Variants in ARFIP1 observed in about 807,000 individuals in gnomAD.
The protein encoded by ARFIP1 is ARF interacting protein 1, also known as arfaptin-1.
Under a neutral mutation model 42.5 loss-of-function variants are expected in ARFIP1, and 24 were observed. The ratio of observed to expected loss-of-function variants is 0.57; its 90% CI spans 0.41 to 0.80. The LOEUF is 0.80. Among genes scored for constraint, ARFIP1 ranks in the 30% least tolerant of loss-of-function variants. ARFIP1 has a pLI of 0.00. For synonymous variants in ARFIP1, 141 were observed against 153.7 expected (o/e 0.92, Z 0.61); for missense variants, 354 against 434.0 (o/e 0.82, Z 1.64).
intron 1 of ARFIP1, among the ~76,000 whole-genome samples, chr4:152,795,819 A>ATTTTTTTTTTTTT (rs1255846759): frequency 6.0e-5 from 1 of 16,774 alleles, no homozygotes; most frequent in Non-Finnish European, 1.2e-4. Context: ...GGGCCCTTGT[A>ATTTTTTTTTTTTT]ATTTTTTTTT....
Position 152,863,620 on chromosome 4 carries a change from A to G in ARFIP1, c.108A>G (p.Ser36=), listed in dbSNP as rs763860418. ...ATCTTGCTAAGGATTTGAAGCATTCATTACCATCTGGACTTGGTCTCTCAG... is the reference window on the plus strand; with the variant it reads ...ATCTTGCTAAGGATTTGAAGCATTCGTTACCATCTGGACTTGGTCTCTCAG... The part of the protein sequence containing the change: ...EHSFNRDLKH[S]LPSGLGLSET... Residue 36 remains serine, a synonymous_variant, in exon 3 of 9, where the codon TCA becomes TCG. Coordinates refer to ENST00000353617, the MANE Select transcript of ARFIP1 (RefSeq NM_001025595.3). 13 of 1,597,726 alleles carry G rather than the reference A, an allele frequency of 8.1e-6. No individual in the cohort carries two copies. In the African/African-American group the frequency reaches 9.4e-5, roughly 12 times the overall value.
At chr4:152,791,853 A>T (rs1024920100) in intron 1 of ARFIP1, among the ~76,000 whole-genome samples, 1 of 152,176 alleles carries the variant, frequency 6.6e-6, no homozygotes, top group African/African-American at 2.4e-5. Flanking sequence ...TCTGTATCTG[A>T]TGTTTAAAAA....
chr4:152,872,629 A>AAGTCATTATGTTC, intron 5 of ARFIP1, 65 bp downstream of exon 5: 1 of 857,428 alleles, frequency 1.2e-6, no homozygotes, highest in Non-Finnish European at 1.8e-6. Context: ...ATGTTTATTC[A>AAGTCATTATGTTC]AGTCATTATG....
chr4:152,846,510 T>C (rs1387606461), intron 2 of ARFIP1, among the ~76,000 whole-genome samples: 4 of 152,208 alleles, frequency 2.6e-5, no homozygotes, highest in Non-Finnish European at 4.4e-5. Context: ...TTTGACTATT[T>C]TGAATAAATT....
At chr4:152,875,461 T>A (rs1315197827) in intron 5 of ARFIP1, among the ~76,000 whole-genome samples, 1 of 151,584 alleles carries the variant, frequency 6.6e-6, no homozygotes, top group Non-Finnish European at 1.5e-5. Context: ...ACTTTTTTCT[T>A]AATGTTTAAG....
At chr4:152,877,732 G>C (rs1221029370) in intron 5 of ARFIP1, among the ~76,000 whole-genome samples, 1 of 152,170 alleles carries the variant, frequency 6.6e-6, no homozygotes, top group Non-Finnish European at 1.5e-5. Context: ...GAGGGACCCA[G>C]GGAGAGGTAA....
intron 8 of ARFIP1, among the ~76,000 whole-genome samples, chr4:152,909,151 GA>G (rs1417272833): frequency 1.3e-5 from 2 of 152,156 alleles, no homozygotes; most frequent in Non-Finnish European, 2.9e-5. Context: ...TTGGGAGGCT[GA>G]GGCAGGCAGA....
intron 2 of ARFIP1, among the ~76,000 whole-genome samples, chr4:152,863,368 A>G (rs1189332758): frequency 6.6e-6 from 1 of 152,244 alleles, no homozygotes; most frequent in Non-Finnish European, 1.5e-5. Context: ...CCTGCTGCTT[A>G]ATTCCAGAAT....
chr4:152,827,872 G>A (rs114329898), intron 1 of ARFIP1, among the ~76,000 whole-genome samples: 113 of 152,034 alleles, frequency 7.4e-4, no homozygotes, highest in Admixed American at 1.4e-3. Context: ...GACGGGTTTC[G>A]CTATGTTCCC....
At chr4:152,840,989 G>A (rs112186277) in intron 2 of ARFIP1, among the ~76,000 whole-genome samples, 6,477 of 151,588 alleles carry the variant, frequency 0.043, 171 homozygotes, top group South Asian at 0.11. Context: ...GAAAGTGCTG[G>A]GATTATAGTC....
chr4:152,883,625 T>C (rs1178725650), intron 7 of ARFIP1, among the ~76,000 whole-genome samples: 2 of 151,602 alleles, frequency 1.3e-5, no homozygotes, highest in Non-Finnish European at 2.9e-5. Flanking sequence ...CATATTCATA[T>C]ATATATGTAT....
chr4:152,887,534 C>T (rs1162160441), intron 7 of ARFIP1, among the ~76,000 whole-genome samples: 1 of 151,894 alleles, frequency 6.6e-6, no homozygotes, highest in Non-Finnish European at 1.5e-5. Context: ...TGTAAAGTAC[C>T]TATGAATAAT....
chr4:152,796,402 C>T (rs1731470954), intron 1 of ARFIP1: 1 of 735,448 alleles, frequency 1.4e-6, no homozygotes, highest in Non-Finnish European at 2.5e-6. Flanking sequence ...TAACCATCCT[C>T]TTCCATGCCT....
In ARFIP1 at chr4:152,905,553, T is replaced by TTTTG. The variant is rs1738267973; in HGVS notation, c.967-4508_967-4507insGTTT. On this transcript the variant is annotated intron_variant, in intron 8 of 8. Transcript: ENST00000353617. ...ACTGAATTGTAAGAATTGTTTTTTT[T>TTTTG]TTTTTTTTTTTTTTTTTGAGATGGA... Among the ~76,000 whole-genome samples, 5 of 112,852 alleles carry TTTTG rather than the reference T, an allele frequency of 4.4e-5. 1 individual carries two copies. The highest frequency in any genetic ancestry group is 3.4e-4 in the South Asian group (1 of 2,928). The allele number at this position is 112,852 out of a possible 152,430, so 74.0% of individuals were successfully genotyped here. A position where few individuals can be genotyped will look rare whatever the true frequency, so the allele number is the denominator to read the frequency against.
At chr4:152,852,587 C>G (rs1733084262) in intron 2 of ARFIP1, among the ~76,000 whole-genome samples, 1 of 151,314 alleles carries the variant, frequency 6.6e-6, no homozygotes, top group African/African-American at 2.4e-5. Context: ...GAGCCAAGAT[C>G]ACGCCATTGC....
At chr4:152,809,173 C>T (rs992562806) in intron 1 of ARFIP1, among the ~76,000 whole-genome samples, 2 of 152,076 alleles carry the variant, frequency 1.3e-5, no homozygotes, top group African/African-American at 4.8e-5. Context: ...CTGTATTAAC[C>T]TTCCTCTCTT....
intron 6 of ARFIP1, 31 bp downstream of exon 6, chr4:152,881,215 G>T: frequency 6.8e-7 from 1 of 1,478,336 alleles, no homozygotes; most frequent in Non-Finnish European, 9.3e-7. Context: ...TATTAGGGAT[G>T]GGAGAAAATG....
chr4:152,826,844 C>G (rs966952447), intron 1 of ARFIP1, among the ~76,000 whole-genome samples: 24 of 152,098 alleles, frequency 1.6e-4, no homozygotes, highest in African/African-American at 5.6e-4. Flanking sequence ...AAATATTACC[C>G]AGCCTTAAAA....
intron 3 of ARFIP1, among the ~76,000 whole-genome samples, chr4:152,869,750 T>C (rs755088362): frequency 6.6e-6 from 1 of 152,222 alleles, no homozygotes; most frequent in African/African-American, 2.4e-5. Flanking sequence ...TTTCTTACTT[T>C]GTAGCTAATT....
Sources: allele counts gnomAD v4.1 joint callset (sites outside exome capture counted in the v4.1 genomes callset), GRCh38; gene constraint gnomAD v4.1.1; transcripts MANE v1.5; gene names NCBI Gene and HGNC (gene_info 2026-07-23, HGNC 2026-07-21).